The following KCNT1 variants were observed in gnomAD, a reference collection of about 807,000 sequenced individuals.
KCNT1 encodes potassium channel subfamily T member 1.
In KCNT1, 78 loss-of-function variants were observed where a neutral mutation model predicts 147.8. The observed-to-expected ratio is 0.53, with a 90% CI of 0.44 to 0.64. KCNT1 has a LOEUF of 0.64. KCNT1 is among the 30% of genes least tolerant of loss of function. The probability of loss-of-function intolerance (pLI) is 0.00; values close to 1 mark genes in which losing one functional copy is unlikely to be tolerated. For synonymous variants in KCNT1, 867 were observed against 748.8 expected, an observed-to-expected ratio of 1.16 and a Z score of -2.58; for missense variants, 1,419 against 1,750.3, an observed-to-expected ratio of 0.81 and a Z score of 3.38.
At chr9:135,715,068 GC>G (rs1835668860) in intron 2 of KCNT1, among the ~76,000 whole-genome samples, 1 of 152,214 alleles carries the variant, frequency 6.6e-6, no homozygotes, top group African/African-American at 2.4e-5. Context: ...AGGGCCGGAA[GC>G]GCCCCGGTGG....
intron 1 of KCNT1, among the ~76,000 whole-genome samples, chr9:135,708,914 G>A (rs1835362856): frequency 6.6e-6 from 1 of 152,244 alleles, no homozygotes. Context: ...CTGATCCTGA[G>A]AGGCAGGCTC....
intron 2 of KCNT1, among the ~76,000 whole-genome samples, chr9:135,719,335 C>T (rs1045464514): frequency 6.6e-6 from 1 of 152,214 alleles, no homozygotes; most frequent in African/African-American, 2.4e-5. Flanking sequence ...ACGGTGTCCC[C>T]GAGCTGGGTC....
chr9:135,713,004 G>A (rs1020170867), intron 1 of KCNT1, among the ~76,000 whole-genome samples: 11 of 152,202 alleles, frequency 7.2e-5, no homozygotes, highest in South Asian at 2.1e-4. Context: ...GCAAGCCAAG[G>A]TCCAAGCCCC....
In KCNT1 at chr9:135,765,767, G is replaced by A. The variant is rs374975940; in HGVS notation, c.1337+7G>A. ...AGGACCTCATGCGAGCCAAGTGAGT[G>A]CTGGTGGGCGGAGGGGGTGGCATGG... On this transcript the variant is annotated splice_region_variant and intron_variant, in intron 13 of 30. Coordinates refer to ENST00000371757, the MANE Select transcript of KCNT1 (RefSeq NM_020822.3). 79 of 1,590,576 alleles carry A rather than the reference G, an allele frequency of 5.0e-5. 1 individual carries two copies. The highest frequency in any genetic ancestry group is 6.5e-5 in the Non-Finnish European group (76 of 1,163,612).
chr9:135,752,510 C>T lies in KCNT1; in HGVS notation c.435-1427C>T. 1 of 451,756 alleles carries T rather than the reference C, an allele frequency of 2.2e-6. No individual in the cohort carries two copies. Among genetic ancestry groups the T allele is most frequent in the South Asian group, 1.6e-5 (1 of 63,950 alleles). 28.0% of individuals were successfully genotyped at this position (451,756 alleles called of 1,614,324 possible). The stretch of plus-strand genomic sequence containing the variant: ...CCCCTGGGGCTTCTGGTTTCACATC[C>T]CCACAGGGCCCAAGTCTGTTGTGTT... On this transcript the variant is annotated intron_variant, in intron 4 of 30. Coordinates refer to ENST00000371757, the MANE Select transcript of KCNT1 (RefSeq NM_020822.3). The surrounding 1 kb of genome is among the most constrained non-coding windows in gnomAD (Gnocchi z 5.1).
Position 135,792,170 on chromosome 9 carries a change from T to C in KCNT1, c.*9T>C. ...ACGAGACACAGCTCTGAGCCAGCCC[T>C]GCACGGAGCTCAGGCCACCAAGCCC... On this transcript the variant is annotated 3_prime_UTR_variant, in exon 31 of 31. Coordinates refer to ENST00000371757, the MANE Select transcript of KCNT1 (RefSeq NM_020822.3). 6.2e-7 allele frequency: 1 copy of C among 1,602,514 alleles called. No homozygotes were observed. The highest frequency in any genetic ancestry group is 8.5e-7 in the Non-Finnish European group (1 of 1,178,536).
rs533054284 is a variant in KCNT1 at position 135,793,095 on chromosome 9, G to C, written c.*934G>C. ...CTGCTGGTTCCTTACTGGTTTGTAC[G>C]GTCAGCGCTGGAAACTTCTATTAAA... On this transcript the variant is annotated 3_prime_UTR_variant, in exon 31 of 31. Coordinates refer to ENST00000371757, the MANE Select transcript of KCNT1 (RefSeq NM_020822.3). 6.6e-6 allele frequency: 1 copy of C among 152,048 alleles called. No individual in the cohort carries two copies. Among genetic ancestry groups the C allele is most frequent in the Non-Finnish European group, 1.5e-5 (1 of 68,024 alleles). The allele number at this position is 152,048 out of a possible 1,614,324, so 9.4% of individuals were successfully genotyped here.
At chr9:135,785,405 C>G in intron 28 of KCNT1, 75 bp downstream of exon 28, 1 of 1,536,370 alleles carries the variant, frequency 6.5e-7, no homozygotes, top group Non-Finnish European at 8.8e-7. Context: ...AGAAGCCTGC[C>G]AGGCCCCACC....
At chr9:135,773,913 G>T (rs1313537080) in intron 19 of KCNT1, among the ~76,000 whole-genome samples, 1 of 152,350 alleles carries the variant, frequency 6.6e-6, no homozygotes, top group East Asian at 1.9e-4. Context: ...TGTCAGGGAG[G>T]CATGGCGGGC....
At chr9:135,745,829 G>A (rs1255244061) in intron 2 of KCNT1, among the ~76,000 whole-genome samples, 1 of 152,216 alleles carries the variant, frequency 6.6e-6, no homozygotes, top group African/African-American at 2.4e-5. Context: ...TGGGCCTCTG[G>A]CTGCCGGGCC....
chr9:135,793,039 T>G lies in KCNT1; in HGVS notation c.*878T>G, dbSNP rs931020978. ...GCAAGGCGAGATCCCGGGCGGCGGC[T>G]GACATCAGGAGCGCCACCCTGCGTC... is the stretch of plus-strand genomic sequence containing the variant. On this transcript the variant is annotated 3_prime_UTR_variant, in exon 31 of 31. Transcript: ENST00000371757. The G allele has an allele frequency of 6.6e-6, 1 of 152,224 alleles. No homozygotes were observed. Among genetic ancestry groups the G allele is most frequent in the Non-Finnish European group, 1.5e-5 (1 of 68,056 alleles). The allele number at this position is 152,224 out of a possible 1,614,324, so 9.4% of individuals were successfully genotyped here.
At chr9:135,784,495 C>A in intron 25 of KCNT1, 40 bp from the exon 26 acceptor site, 1 of 372,802 alleles carries the variant, frequency 2.7e-6, no homozygotes. Flanking sequence ...CCCTCCCTCC[C>A]TCCCTCCCTC....
chr9:135,742,808 G>T (rs1454512708), intron 2 of KCNT1: 1 of 717,182 alleles, frequency 1.4e-6, no homozygotes, highest in Admixed American at 2.0e-5. Context: ...ACTCCTCCCT[G>T]TCTCAGTAAG....
intron 2 of KCNT1, among the ~76,000 whole-genome samples, chr9:135,747,306 G>A (rs909604280): frequency 2.0e-5 from 3 of 151,586 alleles, no homozygotes; most frequent in Non-Finnish European, 2.9e-5. Context: ...GACCCCCCGC[G>A]TTGAGGCTTT....
At chr9:135,733,723 A>T (rs1437008936) in intron 2 of KCNT1, among the ~76,000 whole-genome samples, 7 of 147,990 alleles carry the variant, frequency 4.7e-5, no homozygotes, top group African/African-American at 1.8e-4. Flanking sequence ...TTGGGGCTTC[A>T]GATCCCACTG....
intron 19 of KCNT1, among the ~76,000 whole-genome samples, chr9:135,774,470 G>A (rs12685711): frequency 0.21 from 31,709 of 149,612 alleles, 3,578 homozygotes; most frequent in East Asian, 0.39. Context: ...GTGTGTCCGT[G>A]TGTGGTACGT....
intron 29 of KCNT1, chr9:135,788,026 G>A: frequency 8.4e-7 from 1 of 1,196,454 alleles, no homozygotes; most frequent in Non-Finnish European, 1.2e-6. Context: ...CACTGTGCCG[G>A]CCGCCCGCAC....
At chr9:135,762,025 A>G (rs1009438230) in intron 11 of KCNT1, among the ~76,000 whole-genome samples, 1 of 152,256 alleles carries the variant, frequency 6.6e-6, no homozygotes, top group South Asian at 2.1e-4. Context: ...GTAAGGGCCA[A>G]ATCGGGATGT....
chr9:135,792,189 C>A lies in KCNT1; in HGVS notation c.*28C>A. On this transcript the variant is annotated 3_prime_UTR_variant, in exon 31 of 31. Coordinates refer to ENST00000371757, the MANE Select transcript of KCNT1 (RefSeq NM_020822.3). ...CAGCCCTGCACGGAGCTCAGGCCAC[C>A]AAGCCCGGGGTCCTCAGGAAGGACG... The A allele has an allele frequency of 6.3e-7, 1 of 1,596,440 alleles. No homozygotes were observed. Among genetic ancestry groups the A allele is most frequent in the East Asian group, 2.2e-5 (1 of 44,636 alleles).
Sources: allele counts gnomAD v4.1 joint callset (sites outside exome capture counted in the v4.1 genomes callset), GRCh38; gene constraint gnomAD v4.1.1; non-coding constraint Gnocchi (gnomAD v3.1); transcripts MANE v1.5; gene names NCBI Gene and HGNC (gene_info 2026-07-23, HGNC 2026-07-21).